Variants in BNC1 observed in about 807,000 individuals in gnomAD.
The protein encoded by BNC1 is basonuclin zinc finger protein 1, also known as zinc finger protein basonuclin-1.
Under a neutral mutation model 66.5 loss-of-function variants are expected in BNC1, and 8 were observed. The observed-to-expected ratio is 0.12, with a 90% CI of 0.07 to 0.22. The LOEUF (loss-of-function observed/expected upper bound fraction) is 0.22, where lower values mean the gene tolerates loss of function less well. Among genes scored for constraint, BNC1 ranks in the 10% least tolerant of loss-of-function variants. BNC1 has a pLI of 1.00. For missense variants in BNC1, 1,069 were observed against 1,241.3 expected (o/e 0.86, Z 2.09); for synonymous variants, 454 against 452.6 (o/e 1.00, Z -0.04).
intron 4 of BNC1, among the ~76,000 whole-genome samples, chr15:83,262,141 G>T (rs1014875437): frequency 1.3e-5 from 2 of 149,878 alleles, no homozygotes; most frequent in Admixed American, 1.3e-4. Flanking sequence ...TCTGCCTCTC[G>T]GGTTCAAACG....
chr15:83,284,645 G>GGGGCGCGACCCGGCGAAGT lies in BNC1; in HGVS notation c.-36_-18dup. 1 of 985,448 alleles carries GGGGCGCGACCCGGCGAAGT rather than the reference G, an allele frequency of 1.0e-6. No homozygotes were observed. Among genetic ancestry groups the GGGGCGCGACCCGGCGAAGT allele is most frequent in the Non-Finnish European group, 1.2e-6 (1 of 830,646 alleles). 61.0% of individuals were successfully genotyped at this position (985,448 alleles called of 1,614,324 possible). ...CCGCCGCATCCACGCTCCGGCCGTC[G>GGGGCGCGACCCGGCGAAGT]GGGCGCGACCCGGCGAAGTGGGCGG... On this transcript the variant is annotated 5_prime_UTR_variant, in exon 1 of 5. Coordinates refer to ENST00000345382, the MANE Select transcript of BNC1 (RefSeq NM_001717.4).
intron 1 of BNC1, among the ~76,000 whole-genome samples, chr15:83,281,034 G>T (rs1490681096): frequency 6.6e-6 from 1 of 152,182 alleles, no homozygotes; most frequent in Non-Finnish European, 1.5e-5. Flanking sequence ...AAGAGTGACA[G>T]TCTGTTTGCC....
intron 3 of BNC1, 87 bp downstream of exon 3, chr15:83,266,749 G>T: frequency 8.7e-7 from 1 of 1,153,976 alleles, no homozygotes; most frequent in Non-Finnish European, 1.3e-6. Context: ...AAGGGCTGTA[G>T]CATTGGGAGG....
chr15:83,261,951 A>C (rs879314371), intron 4 of BNC1, among the ~76,000 whole-genome samples: 25 of 151,984 alleles, frequency 1.6e-4, no homozygotes, highest in Admixed American at 6.6e-4. Flanking sequence ...ACGTTTTGGG[A>C]CGCTATAGTG....
rs371364587 is a variant in BNC1 at position 83,263,372 on chromosome 15, G to T, written c.1879C>A (p.Gln627Lys). Residue 627 changes from glutamine (Q) to lysine (K), a missense_variant, in exon 4 of 5, where the codon CAG becomes AAG. Gln to Lys is a moderately conservative substitution (Grantham distance 53). Transcript: ENST00000345382. ...SSGAISQTPE[Q>K]ATHNSERETE... Reference sequence around the variant, plus strand: ...TCCCTCTCTGAATTGTGTGTGGCCTGCTCAGGGGTTTGGCTGATGGCTCCA... The same window carrying T: ...TCCCTCTCTGAATTGTGTGTGGCCTTCTCAGGGGTTTGGCTGATGGCTCCA... The T allele has an allele frequency of 1.2e-6, 2 of 1,614,200 alleles. No homozygotes were observed. Among genetic ancestry groups the T allele is most frequent in the African/African-American group, 2.7e-5 (2 of 75,058 alleles).
chr15:83,283,437 G>T, intron 1 of BNC1: 1 of 1,245,788 alleles, frequency 8.0e-7, no homozygotes, highest in Non-Finnish European at 1.0e-6. Flanking sequence ...GCCGCCGCCC[G>T]GCTCCCAGCA....
intron 4 of BNC1, among the ~76,000 whole-genome samples, chr15:83,262,071 C>CA (rs1555459070): frequency 8.0e-6 from 1 of 124,584 alleles, no homozygotes; most frequent in African/African-American, 3.1e-5. Context: ...TTTTTTGAGA[C>CA]AGAGTCTCGC....
At chr15:83,281,809 G>A (rs1320131619) in intron 1 of BNC1, among the ~76,000 whole-genome samples, 1 of 152,240 alleles carries the variant, frequency 6.6e-6, no homozygotes, top group Non-Finnish European at 1.5e-5. Flanking sequence ...TTGTTCCACA[G>A]GGAAACCTGT....
chr15:83,275,572 G>GAA (rs1014680925), intron 1 of BNC1, among the ~76,000 whole-genome samples: 9 of 151,928 alleles, frequency 5.9e-5, no homozygotes, highest in African/African-American at 2.2e-4. Context: ...ACAGGAGTAA[G>GAA]AATGTTTTAG....
intron 1 of BNC1, among the ~76,000 whole-genome samples, chr15:83,279,641 C>T (rs538679633): frequency 2.6e-5 from 4 of 152,238 alleles, no homozygotes; most frequent in Admixed American, 1.3e-4. Context: ...TAAGGTGGGC[C>T]TGGGCTGTCC....
Position 83,284,590 on chromosome 15 carries a change from C to G in BNC1, c.39G>C (p.Ala13=), listed in dbSNP as rs1287903437. The part of the protein sequence containing the change: ...RRPPSRGGRG[A]ARARETRRQP... Reference sequence around the variant, plus strand: ...GCCGGCGCGTCTCCCGGGCCCGGGCCGCCCCGCGTCCGCCCCGGCTCGGCG... The same window carrying G: ...GCCGGCGCGTCTCCCGGGCCCGGGCGGCCCCGCGTCCGCCCCGGCTCGGCG... The change falls in exon 1 of 5, where the codon GCG becomes GCC. Residue 13 remains alanine, a synonymous_variant. Transcript: ENST00000345382. The G allele has an allele frequency of 9.7e-7, 1 of 1,035,040 alleles. No individual in the cohort carries two copies. The highest frequency in any genetic ancestry group is 1.2e-6 in the Non-Finnish European group (1 of 864,238). 64.1% of individuals were successfully genotyped at this position (1,035,040 alleles called of 1,614,324 possible). A position where few individuals can be genotyped will look rare whatever the true frequency, so the allele number is the denominator to read the frequency against.
intron 1 of BNC1, among the ~76,000 whole-genome samples, chr15:83,281,236 A>G (rs1274013211): frequency 6.6e-6 from 1 of 152,226 alleles, no homozygotes; most frequent in Non-Finnish European, 1.5e-5. Context: ...ATGCAGAAAT[A>G]AGGTTTTCAG....
rs754400337 is a variant in BNC1, at chr15:83,271,121, CAA to C, written c.100-2891_100-2890del. ...TGAAACCCTGTCTCTACCAAAAATA[CAA>C]AAATTAGCCAGGTGTGGTGGCATGC... is the stretch of plus-strand genomic sequence containing the variant. On this transcript the variant is annotated intron_variant, in intron 1 of 4. Coordinates refer to ENST00000345382, the MANE Select transcript of BNC1 (RefSeq NM_001717.4). Among the ~76,000 whole-genome samples, 4 of 152,194 alleles carry C rather than the reference CAA, an allele frequency of 2.6e-5. No individual in the cohort carries two copies. The South Asian group carries it at 8.3e-4, about 32-fold the overall frequency.
intron 1 of BNC1, among the ~76,000 whole-genome samples, chr15:83,278,697 C>T (rs1350899966): frequency 1.3e-5 from 2 of 152,198 alleles, no homozygotes; most frequent in African/African-American, 4.8e-5. Context: ...CACCATTCCG[C>T]AACTCCTAAT....
chr15:83,270,904 GAAT>G (rs2038263394), intron 1 of BNC1, among the ~76,000 whole-genome samples: 3 of 152,296 alleles, frequency 2.0e-5, no homozygotes, highest in South Asian at 4.1e-4. Flanking sequence ...ACAACTCTAT[GAAT>G]ATACTGAAAG....
chr15:83,261,229 A>G (rs1263024551), intron 4 of BNC1, among the ~76,000 whole-genome samples: 2 of 152,224 alleles, frequency 1.3e-5, no homozygotes, highest in Admixed American at 6.5e-5. Context: ...TTCACTAATT[A>G]GGGTGCCTTG....
intron 1 of BNC1, among the ~76,000 whole-genome samples, chr15:83,284,062 G>A (rs2038414958): frequency 6.6e-6 from 1 of 151,740 alleles, no homozygotes; most frequent in Non-Finnish European, 1.5e-5. Flanking sequence ...AAGACGGCCA[G>A]TGTGAAATAT....
chr15:83,281,407 C>A (rs1030606119), intron 1 of BNC1, among the ~76,000 whole-genome samples: 1 of 152,156 alleles, frequency 6.6e-6, no homozygotes, highest in Non-Finnish European at 1.5e-5. Context: ...AAAGTACCAA[C>A]TCCCTAAAAT....
In BNC1 at chr15:83,263,441, C is replaced by T. The variant is rs2038171157; in HGVS notation, c.1810G>A (p.Glu604Lys). The T allele has an allele frequency of 6.2e-7, 1 of 1,614,112 alleles. No homozygotes were observed. Among genetic ancestry groups the T allele is most frequent in the Non-Finnish European group, 8.5e-7 (1 of 1,180,044 alleles). Residue 604 changes from glutamate (E) to lysine (K), a missense_variant, in exon 4 of 5, where the codon GAA becomes AAA. Transcript: ENST00000345382. ...TCACGATGGCAGGGCCTCTCCCCTT[C>T]AGGGAAAGGCTTCCCTAAGCCTCCT... The part of the protein sequence containing the change: ...QSGGLGKPFP[E>K]GERPCHRESV...
Sources: gnomAD v4.1 joint callset for allele counts (sites outside exome capture counted in the v4.1 genomes callset) on GRCh38, gnomAD v4.1.1 for gene constraint, MANE v1.5 for transcripts, NCBI Gene and HGNC (gene_info 2026-07-23, HGNC 2026-07-21) for gene names.